MACROD1: variants seen among roughly 807,000 people sequenced by gnomAD.
MACROD1 encodes the protein ADP-ribose glycohydrolase MACROD1.
Under a neutral mutation model 41.4 loss-of-function variants are expected in MACROD1, and 31 were observed. The observed-to-expected ratio is 0.75, with a 90% CI of 0.56 to 1.01. MACROD1 has a LOEUF of 1.01. Among genes scored for constraint, MACROD1 ranks in the 50% least tolerant of loss-of-function variants. The pLI is 0.00. For synonymous variants in MACROD1, 252 were observed against 203.4 expected (o/e 1.24, Z -2.03); for missense variants, 473 against 460.0 (o/e 1.03, Z -0.26).
chr11:64,104,265 G>C (rs1944720040), intron 3 of MACROD1: 1 of 152,278 alleles, frequency 6.6e-6, no homozygotes, highest in Non-Finnish European at 1.5e-5. Context: ...CCAGACAGCT[G>C]GGTTGCACCC....
At chr11:64,031,480 T>A (rs1276205986) in intron 3 of MACROD1, among the ~76,000 whole-genome samples, 2 of 144,480 alleles carry the variant, frequency 1.4e-5, no homozygotes, top group East Asian at 3.9e-4. Context: ...GCCTTCCTTT[T>A]TTTTTTTTTT....
Position 64,165,722 on chromosome 11 carries a change from G to A in MACROD1, c.273C>T (p.Thr91=), listed in dbSNP as rs1945830679. 5 of 1,484,628 alleles carry A rather than the reference G, an allele frequency of 3.4e-6. No individual in the cohort carries two copies. The South Asian group carries it at 5.4e-5, about 16-fold the overall frequency. 92.0% of individuals were successfully genotyped at this position (1,484,628 alleles called of 1,614,324 possible). ...LAMAAKVDLS[T]STDWKEAKSF... ...ATTTCGCCTCCTTCCAGTCGGTGGA[G>A]GTGCTCAGGTCCACCTTCGCCGCCA... The change falls in exon 1 of 11, where the codon ACC becomes ACT. Residue 91 remains threonine (T), a synonymous_variant. Transcript: ENST00000255681.
intron 3 of MACROD1, among the ~76,000 whole-genome samples, chr11:64,100,408 G>A (rs1391426410): frequency 6.6e-6 from 1 of 152,162 alleles, no homozygotes; most frequent in Admixed American, 6.5e-5. Context: ...CTTTTATGAT[G>A]TTGACTCAAA....
At chr11:64,034,906 T>C (rs556609109) in intron 3 of MACROD1, among the ~76,000 whole-genome samples, 3 of 152,156 alleles carry the variant, frequency 2.0e-5, no homozygotes, top group Non-Finnish European at 4.4e-5. Context: ...GTCCCTTACT[T>C]AGTGTCCCAG....
At chr11:64,085,746 TG>T (rs1944382875) in intron 3 of MACROD1, among the ~76,000 whole-genome samples, 1 of 152,120 alleles carries the variant, frequency 6.6e-6, no homozygotes, top group South Asian at 2.1e-4. Context: ...TGTTGTCCAT[TG>T]GGGGCCTGCT....
chr11:64,076,881 C>G lies in MACROD1; in HGVS notation c.518-61600G>C, dbSNP rs1297440122. 2.0e-5 allele frequency among the ~76,000 whole-genome samples: 3 copies of G among 152,238 alleles called. No individual in the cohort carries two copies. In the South Asian group the frequency reaches 6.2e-4, roughly 32 times the overall value. On this transcript the variant is annotated intron_variant, in intron 3 of 10. Transcript: ENST00000255681. Reference sequence around the variant, plus strand: ...TCCATCCCTTGCCTTCCCAAGCTGCCACACTTACTCATCGGCTTGGGGCTA... The same window carrying G: ...TCCATCCCTTGCCTTCCCAAGCTGCGACACTTACTCATCGGCTTGGGGCTA...
At chr11:64,023,440 CGTAAA>C (rs1042200558) in intron 3 of MACROD1, among the ~76,000 whole-genome samples, 1 of 152,090 alleles carries the variant, frequency 6.6e-6, no homozygotes, top group African/African-American at 2.4e-5. Context: ...TAAAAATGCC[CGTAAA>C]ACCTACAGCC....
chr11:64,162,977 C>A (rs566230010), intron 1 of MACROD1, among the ~76,000 whole-genome samples: 4 of 152,022 alleles, frequency 2.6e-5, no homozygotes, highest in Non-Finnish European at 4.4e-5. Flanking sequence ...AAAAATTAGC[C>A]GGGCGTGATG....
At chr11:64,114,429 TTGAA>T (rs1243122748) in intron 3 of MACROD1, among the ~76,000 whole-genome samples, 2 of 63,842 alleles carry the variant, frequency 3.1e-5, no homozygotes, top group Non-Finnish European at 5.9e-5. Flanking sequence ...GGAGGGATGG[TTGAA>T]TGGATGGATG....
chr11:64,157,084 A>G (rs557603113), intron 1 of MACROD1, among the ~76,000 whole-genome samples: 1 of 150,424 alleles, frequency 6.6e-6, no homozygotes, highest in South Asian at 2.1e-4. Context: ...TGCCCCACGC[A>G]TTTCTGTGTT....
chr11:64,044,553 G>C (rs887583862), intron 3 of MACROD1, among the ~76,000 whole-genome samples: 2 of 152,152 alleles, frequency 1.3e-5, no homozygotes, highest in African/African-American at 4.8e-5. Flanking sequence ...AGCAACTTCT[G>C]AAGTAGGCAC....
chr11:64,125,882 C>T (rs1945171445), intron 3 of MACROD1, among the ~76,000 whole-genome samples: 1 of 152,226 alleles, frequency 6.6e-6, no homozygotes. Context: ...TCTGGAGCCA[C>T]CCACCTGGAG....
intron 2 of MACROD1, 51 bp downstream of exon 2, chr11:64,152,241 A>C (rs373104280): frequency 2.0e-6 from 3 of 1,529,962 alleles, no homozygotes; most frequent in Non-Finnish European, 2.7e-6. Flanking sequence ...AATTCTCCCA[A>C]GCCACGGGTC....
chr11:64,159,272 T>C (rs1336497023), intron 1 of MACROD1, among the ~76,000 whole-genome samples: 1 of 144,194 alleles, frequency 6.9e-6, no homozygotes, highest in Non-Finnish European at 1.5e-5. Context: ...CGAGCCGAGA[T>C]TGCACCAGTG....
At chr11:64,020,743 T>A (rs969381882) in intron 3 of MACROD1, among the ~76,000 whole-genome samples, 1 of 151,950 alleles carries the variant, frequency 6.6e-6, no homozygotes, top group African/African-American at 2.4e-5. Flanking sequence ...TTTTTGGAAA[T>A]GAAGTCTCAC....
chr11:64,165,743 C>A lies in MACROD1; in HGVS notation c.252G>T (p.Ala84=). The A allele has an allele frequency of 6.7e-7, 1 of 1,498,834 alleles. No homozygotes were observed. Among genetic ancestry groups the A allele is most frequent in the Non-Finnish European group, 8.9e-7 (1 of 1,127,330 alleles). The allele number at this position is 1,498,834 out of a possible 1,614,324, so 92.8% of individuals were successfully genotyped here. A position where few individuals can be genotyped will look rare whatever the true frequency, so the allele number is the denominator to read the frequency against. Residue 84 remains alanine (A), a synonymous_variant, in exon 1 of 11, where the codon GCG becomes GCT. Coordinates refer to ENST00000255681, the MANE Select transcript of MACROD1 (RefSeq NM_014067.4). The part of the protein sequence containing the change: ...GVRTWAPLAM[A]AKVDLSTSTD... ...TGGAGGTGCTCAGGTCCACCTTCGC[C>A]GCCATGGCCAGGGGGGCCCAAGTGC...
At chr11:64,092,389 G>T (rs577409475) in intron 3 of MACROD1, among the ~76,000 whole-genome samples, 2 of 152,338 alleles carry the variant, frequency 1.3e-5, no homozygotes, top group East Asian at 3.9e-4. Context: ...CAGGGGTCCT[G>T]GGGTGGGGGC....
chr11:64,038,992 C>G (rs1426341253), intron 3 of MACROD1, among the ~76,000 whole-genome samples: 1 of 151,936 alleles, frequency 6.6e-6, no homozygotes, highest in Non-Finnish European at 1.5e-5. Context: ...AATGTGGGGC[C>G]CTTGCCTAGT....
At chr11:64,135,139 T>C (rs1241990946) in intron 3 of MACROD1, among the ~76,000 whole-genome samples, 3 of 152,238 alleles carry the variant, frequency 2.0e-5, no homozygotes, top group Non-Finnish European at 4.4e-5. Context: ...TGCCAGTGGC[T>C]GGCAAGGTGC....
Sources: gnomAD v4.1 joint callset for allele counts (sites outside exome capture counted in the v4.1 genomes callset) on GRCh38, gnomAD v4.1.1 for gene constraint, MANE v1.5 for transcripts, NCBI Gene and HGNC (gene_info 2026-07-23, HGNC 2026-07-21) for gene names.